Variants in METTL13 observed in about 807,000 individuals in gnomAD.
METTL13 encodes the protein eEF1A lysine and N-terminal methyltransferase.
In METTL13, 52 loss-of-function variants were observed where a neutral mutation model predicts 67.4. That is an observed-to-expected ratio of 0.77 (90% CI 0.62 to 0.97). The LOEUF (loss-of-function observed/expected upper bound fraction) is 0.97. METTL13 is among the 50% of genes least tolerant of loss of function. METTL13 has a pLI of 0.00. For synonymous variants in METTL13, 354 were observed against 353.6 expected, an observed-to-expected ratio of 1.00 and a Z score of -0.01; for missense variants, 825 against 889.6, an observed-to-expected ratio of 0.93 and a Z score of 0.92.
chr1:171,794,618 C>T (rs1181695891), intron 7 of METTL13, 91 bp downstream of exon 7: 16 of 1,554,554 alleles, frequency 1.0e-5, no homozygotes, highest in Middle Eastern at 1.7e-4. Flanking sequence ...AGTGCGAGCT[C>T]GATCAATTTT....
At chr1:171,792,315 T>G (rs1657236144) in intron 6 of METTL13, 80 bp downstream of exon 6, 2 of 1,517,516 alleles carry the variant, frequency 1.3e-6, no homozygotes, top group Non-Finnish European at 1.8e-6. Context: ...CCTCTACAGT[T>G]TATCTCTAAG....
Position 171,784,238 on chromosome 1 carries a change from T to C in METTL13, c.652T>C (p.Ser218Pro). 6.2e-7 allele frequency: 1 copy of C among 1,614,114 alleles called. No individual in the cohort carries two copies. Among genetic ancestry groups the C allele is most frequent in the Non-Finnish European group, 8.5e-7 (1 of 1,180,050 alleles). The part of the protein sequence containing the change: ...IMTKFRPVPG[S>P]ALQIFELCAQ... ...GACCAAGTTCAGGCCAGTCCCTGGC[T>C]CTGCCCTTCAGATCTTTGAGCTGTG... Residue 218 changes from serine (S) to proline (P), a missense_variant, in exon 2 of 8, where the codon TCT becomes CCT. By Grantham distance (74) the Ser-to-Pro change is moderately conservative (BLOSUM62 -1). Transcript: ENST00000361735.
chr1:171,789,811 G>A (rs1188331150), intron 4 of METTL13, among the ~76,000 whole-genome samples: 3 of 124,234 alleles, frequency 2.4e-5, no homozygotes, highest in Non-Finnish European at 3.2e-5. Flanking sequence ...CATTGTATAT[G>A]TTAAATGTTT....
At position 171,797,260 on chromosome 1, in the gene METTL13, A is replaced by T. The variant is rs1203206165; in HGVS notation, c.*504A>T. The T allele has an allele frequency of 6.5e-6, 1 of 153,840 alleles. No individual in the cohort carries two copies. The highest frequency in any genetic ancestry group is 1.4e-5 in the Non-Finnish European group (1 of 69,258). 9.5% of individuals were successfully genotyped at this position (153,840 alleles called of 1,614,324 possible). A position where few individuals can be genotyped will look rare whatever the true frequency, so the allele number is the denominator to read the frequency against. On this transcript the variant is annotated 3_prime_UTR_variant, in exon 8 of 8. Coordinates refer to ENST00000361735, the MANE Select transcript of METTL13 (RefSeq NM_015935.5). ...GAGCATTTACTCTGTCTCCCTGTGGATGAAACTGCTGCTGAAATGGTTCCA... is the reference window on the plus strand; with the variant it reads ...GAGCATTTACTCTGTCTCCCTGTGGTTGAAACTGCTGCTGAAATGGTTCCA...
chr1:171,783,975 A>G lies in METTL13; in HGVS notation c.389A>G (p.Asp130Gly). ...DKGTLDAVLT[D>G]EEEKTLQQVD... ...GGCACCCTGGATGCTGTCCTGACAG[A>G]TGAGGAAGAGAAGACCTTACAACAG... Residue 130 changes from aspartate (D) to glycine (G), a missense_variant, in exon 2 of 8, where the codon GAT (aspartate) becomes GGT (glycine). By Grantham distance (94) the Asp-to-Gly change is moderately conservative. Coordinates refer to ENST00000361735, the MANE Select transcript of METTL13 (RefSeq NM_015935.5). 1 of 1,614,210 alleles carries G rather than the reference A, an allele frequency of 6.2e-7. No individual in the cohort carries two copies. Among genetic ancestry groups the G allele is most frequent in the Non-Finnish European group, 8.5e-7 (1 of 1,180,034 alleles).
intron 1 of METTL13, among the ~76,000 whole-genome samples, chr1:171,782,613 AC>A (rs1244150765): frequency 6.6e-6 from 1 of 151,940 alleles, no homozygotes; most frequent in East Asian, 1.9e-4. Flanking sequence ...TAGACCTCCC[AC>A]CCCAGCTCAT....
chr1:171,790,833 T>TAA, intron 5 of METTL13: 1 of 424,982 alleles, frequency 2.4e-6, no homozygotes, highest in Non-Finnish European at 4.0e-6. Flanking sequence ...TGTTAGAGTC[T>TAA]AAGTGGTATT....
intron 3 of METTL13, among the ~76,000 whole-genome samples, chr1:171,787,154 T>C (rs1657044615): frequency 6.6e-6 from 1 of 152,134 alleles, no homozygotes; most frequent in East Asian, 1.9e-4. Flanking sequence ...TCAGGAGATA[T>C]TGGTGATTAT....
intron 4 of METTL13, among the ~76,000 whole-genome samples, chr1:171,788,776 A>G (rs1174429470): frequency 2.0e-5 from 3 of 152,172 alleles, no homozygotes; most frequent in African/African-American, 7.2e-5. Flanking sequence ...AGGCGCAGAG[A>G]TTCAAGGATG....
intron 4 of METTL13, 96 bp from the exon 5 acceptor site, chr1:171,790,356 T>C: frequency 7.6e-7 from 1 of 1,314,656 alleles, no homozygotes; most frequent in Non-Finnish European, 9.9e-7. Flanking sequence ...ATTGGGTCTT[T>C]TGAGTGTTCA....
At chr1:171,785,756 AG>A in intron 2 of METTL13, 122 bp from the exon 3 acceptor site, 1 of 955,368 alleles carries the variant, frequency 1.0e-6, no homozygotes, top group Non-Finnish European at 1.6e-6. Context: ...TTAGCTCCTC[AG>A]TGGGTCACAG....
At position 171,786,883 on chromosome 1, in the gene METTL13, A is replaced by G. The variant is rs190639526; in HGVS notation, c.1113+805A>G. Among the ~76,000 whole-genome samples the G allele has an allele frequency of 4.2e-3, 643 of 151,984 alleles. 2 individuals carry two copies. The highest frequency in any genetic ancestry group is 7.2e-3 in the Non-Finnish European group (487 of 67,964). Reference sequence around the variant, plus strand: ...AGACAGGGTCTCCCTATGTTGCCCAAGCTTTGATCCTTCTTGATAGGTGGG... The same window carrying G: ...AGACAGGGTCTCCCTATGTTGCCCAGGCTTTGATCCTTCTTGATAGGTGGG... On this transcript the variant is annotated intron_variant, in intron 3 of 7. Coordinates refer to ENST00000361735, the MANE Select transcript of METTL13 (RefSeq NM_015935.5).
rs1656926410 is a variant in METTL13, at chr1:171,784,253, T to C, written c.667T>C (p.Phe223Leu). The C allele has an allele frequency of 6.2e-7, 1 of 1,613,938 alleles. No homozygotes were observed. The highest frequency in any genetic ancestry group is 1.3e-5 in the African/African-American group (1 of 74,960). The change falls in exon 2 of 8, where the codon TTT becomes CTT. Residue 223 changes from phenylalanine (F) to leucine (L), a missense_variant. Physicochemically the swap from Phe to Leu is conservative, Grantham distance 22. Coordinates refer to ENST00000361735, the MANE Select transcript of METTL13 (RefSeq NM_015935.5). ...RPVPGSALQI[F>L]ELCAQEQRKP... ...AGTCCCTGGCTCTGCCCTTCAGATC[T>C]TTGAGCTGTGTGCTCAGGAGCAGCG...
chr1:171,783,836 A>G lies in METTL13; in HGVS notation c.250A>G (p.Ile84Val), dbSNP rs1422038949. ...IVNIDISEVV[I>V]KQMKECNATR... ...GAACATCGACATCAGTGAGGTTGTC[A>G]TCAAGCAAATGAAGGAATGTAATGC... The change falls in exon 2 of 8, where the codon ATC becomes GTC. Residue 84 changes from isoleucine (I) to valine (V), a missense_variant. Transcript: ENST00000361735. The G allele has an allele frequency of 6.2e-7, 1 of 1,614,228 alleles. No homozygotes were observed. Among genetic ancestry groups the G allele is most frequent in the African/African-American group, 1.3e-5 (1 of 75,060 alleles).
At chr1:171,790,794 A>T (rs1320595890) in intron 5 of METTL13, 178 bp downstream of exon 5, 1 of 567,098 alleles carries the variant, frequency 1.8e-6, no homozygotes, top group Non-Finnish European at 2.8e-6. Flanking sequence ...CTCAAACTCA[A>T]CCTGTTATAT....
chr1:171,782,470 A>AGGCGGGAG, intron 1 of METTL13, among the ~76,000 whole-genome samples: 1 of 152,074 alleles, frequency 6.6e-6, no homozygotes, highest in African/African-American at 2.4e-5. Context: ...CGGGAGGCTT[A>AGGCGGGAG]GGCGGGAGGA....
Position 171,794,363 on chromosome 1 carries a change from A to AAAG in METTL13, c.1694-31_1694-29dup, listed in dbSNP as rs1657297178. On this transcript the variant is annotated intron_variant, in intron 6 of 7. Transcript: ENST00000361735. ...TGTAAATGGTATTATTTTATCCAGC[A>AAAG]AAGACAAGGACTTGTTTCCTTCTTT... is the stretch of plus-strand genomic sequence containing the variant. 3.7e-6 allele frequency: 6 copies of AAAG among 1,613,786 alleles called. No individual in the cohort carries two copies. In the Admixed American group the frequency reaches 8.3e-5, roughly 22 times the overall value.
chr1:171,787,871 TC>T lies in METTL13; in HGVS notation c.1251del (p.Ser418AlafsTer13), dbSNP rs750852672. ...CGATACTTCCGTCGACTGATCTTCCTCAGCAACAGGAATGTGGTGCAGTCCG... is the reference window on the plus strand; with the variant it reads ...CGATACTTCCGTCGACTGATCTTCCTAGCAACAGGAATGTGGTGCAGTCCG... Reference protein sequence around the residue: ...DKRYFRRLIFLSNRNVVQSEA... With the variant: ...DKRYFRRLIFXSNRNVVQSEA... On this transcript the variant is annotated frameshift_variant, in exon 4 of 8. Coordinates refer to ENST00000361735, the MANE Select transcript of METTL13 (RefSeq NM_015935.5). LOFTEE classifies it high-confidence loss of function. 9 of 1,614,150 alleles carry T rather than the reference TC, an allele frequency of 5.6e-6. No homozygotes were observed. The highest frequency in any genetic ancestry group is 6.8e-6 in the Non-Finnish European group (8 of 1,180,004).
chr1:171,784,369 C>T lies in METTL13; in HGVS notation c.783C>T (p.Arg261=), dbSNP rs759361612. 7.0e-6 allele frequency: 11 copies of T among 1,573,570 alleles called. No homozygotes were observed. In the Middle Eastern group the frequency reaches 6.8e-4, roughly 97 times the overall value. ...QYAWLCSQLR[R]KARLGSVSLD... The stretch of plus-strand genomic sequence containing the variant: ...CCTGGCTGTGCAGCCAGCTGCGCCG[C>T]AAGGCCAGGCTGGGGAGTGTGTCTC... Residue 261 remains arginine (R), a synonymous_variant, in exon 2 of 8, where the codon CGC becomes CGT. Coordinates refer to ENST00000361735, the MANE Select transcript of METTL13 (RefSeq NM_015935.5).
Sources: gnomAD v4.1 joint callset for allele counts (sites outside exome capture counted in the v4.1 genomes callset) on GRCh38, gnomAD v4.1.1 for gene constraint, MANE v1.5 for transcripts, NCBI Gene and HGNC (gene_info 2026-07-23, HGNC 2026-07-21) for gene names.